FHOD3: variants seen among roughly 807,000 people sequenced by gnomAD.
FHOD3 encodes the protein formin homology 2 domain containing 3.
In FHOD3, 90 loss-of-function variants were observed where a neutral mutation model predicts 173.0. The ratio of observed to expected loss-of-function variants is 0.52; its 90% CI spans 0.44 to 0.62. The LOEUF is 0.62. Ranked by LOEUF, FHOD3 falls within the 20% of genes least tolerant of loss-of-function variation. The pLI is 0.00. For synonymous variants in FHOD3, 828 were observed against 823.0 expected (o/e 1.01, Z -0.10); for missense variants, 1,945 against 2,034.7 (o/e 0.96, Z 0.85).
At chr18:36,743,991 G>T in intron 22 of FHOD3, 41 bp from the exon 23 acceptor site, 1 of 1,611,180 alleles carries the variant, frequency 6.2e-7, no homozygotes, top group Non-Finnish European at 8.5e-7. Flanking sequence ...TTCTCTAAGA[G>T]CCTGCTTGAA....
chr18:36,421,560 TTC>T (rs749339368), intron 3 of FHOD3, among the ~76,000 whole-genome samples: 14 of 152,268 alleles, frequency 9.2e-5, no homozygotes, highest in Non-Finnish European at 1.8e-4. Context: ...TTAACTTTTT[TTC>T]TCTCTTTAGA....
intron 10 of FHOD3, among the ~76,000 whole-genome samples, chr18:36,646,775 AAAC>A (rs1331432382): frequency 1.3e-5 from 2 of 152,242 alleles, no homozygotes; most frequent in African/African-American, 2.4e-5. Flanking sequence ...GACCTGGTGT[AAAC>A]AACAACAACA....
chr18:36,696,805 C>T (rs993332456), intron 17 of FHOD3, among the ~76,000 whole-genome samples: 1 of 152,200 alleles, frequency 6.6e-6, no homozygotes, highest in Admixed American at 6.5e-5. Flanking sequence ...GAAAGACATA[C>T]ACACGCTCCT....
chr18:36,542,567 A>G (rs1350095641), intron 5 of FHOD3, among the ~76,000 whole-genome samples: 1 of 152,206 alleles, frequency 6.6e-6, no homozygotes, highest in Non-Finnish European at 1.5e-5. Context: ...TCTCTGAATT[A>G]TCTTTTTATT....
In FHOD3 at chr18:36,759,030, C is replaced by T. The variant is rs1021000379; in HGVS notation, c.4426-88C>T. 18 of 1,382,182 alleles carry T rather than the reference C, an allele frequency of 1.3e-5. No individual in the cohort carries two copies. In the Admixed American group the frequency reaches 3.4e-4, roughly 26 times the overall value. 85.6% of individuals were successfully genotyped at this position (1,382,182 alleles called of 1,614,324 possible). A position where few individuals can be genotyped will look rare whatever the true frequency, so the allele number is the denominator to read the frequency against. On this transcript the variant is annotated intron_variant, in intron 25 of 28. Coordinates refer to ENST00000590592, the MANE Select transcript of FHOD3 (RefSeq NM_001281740.3). ...TTTATTTACTTGGAATTTTATGTGA[C>T]ATTGCGATGATCTTTTTGCTGACTT...
intron 3 of FHOD3, among the ~76,000 whole-genome samples, chr18:36,381,124 G>C (rs947896072): frequency 6.6e-6 from 1 of 152,210 alleles, no homozygotes; most frequent in Non-Finnish European, 1.5e-5. Context: ...TCTGGTTTGA[G>C]AAGTCTGGGA....
At chr18:36,349,556 T>C (rs2046021035) in intron 1 of FHOD3, among the ~76,000 whole-genome samples, 1 of 152,230 alleles carries the variant, frequency 6.6e-6, no homozygotes, top group South Asian at 2.1e-4. Context: ...TATATATTTA[T>C]AGAACGGTTC....
intron 9 of FHOD3, among the ~76,000 whole-genome samples, chr18:36,616,234 A>T (rs2033186526): frequency 6.6e-6 from 1 of 152,174 alleles, no homozygotes; most frequent in Non-Finnish European, 1.5e-5. Context: ...CACCACCACG[A>T]TCGGAACTCC....
At chr18:36,395,795 A>G (rs1418961600) in intron 3 of FHOD3, among the ~76,000 whole-genome samples, 1 of 152,240 alleles carries the variant, frequency 6.6e-6, no homozygotes, top group Non-Finnish European at 1.5e-5. Context: ...TTGTATGTAC[A>G]TTAGCACATA....
intron 17 of FHOD3, 115 bp downstream of exon 17, chr18:36,693,538 C>T: frequency 1.0e-6 from 1 of 967,748 alleles, no homozygotes; most frequent in South Asian, 1.6e-5. Context: ...ACTATGGGTA[C>T]ACTTTGTTGG....
rs1180520927 is a variant in FHOD3 at position 36,512,457 on chromosome 18, A to G, written c.425A>G (p.His142Arg). ...QIFQDDKDLV[H>R]EFVVAEGLTC... Reference sequence around the variant, plus strand: ...TGCCAGGATGACAAGGATTTGGTGCATGAATTTGTAGTGGCTGAAGGTCTG... The same window carrying G: ...TGCCAGGATGACAAGGATTTGGTGCGTGAATTTGTAGTGGCTGAAGGTCTG... Residue 142 changes from histidine (H) to arginine (R), a missense_variant, in exon 5 of 29, where the codon CAT becomes CGT. This residue lies in a region of FHOD3 where 245 missense variants were observed against 267.7 expected (regional missense o/e 0.92). Coordinates refer to ENST00000590592, the MANE Select transcript of FHOD3 (RefSeq NM_001281740.3). The G allele has an allele frequency of 1.2e-6, 2 of 1,614,000 alleles. No homozygotes were observed. Among genetic ancestry groups the G allele is most frequent in the East Asian group, 2.2e-5 (1 of 44,878 alleles).
rs376473307 is a variant in FHOD3, at chr18:36,587,366, G to T, written c.607-7421G>T. 3.3e-5 allele frequency among the ~76,000 whole-genome samples: 5 copies of T among 152,200 alleles called. No homozygotes were observed. The East Asian group carries it at 5.8e-4, about 18-fold the overall frequency. ...GTCGGAGCCAGTTTAGTCAGGAGGGGGAGCTTCTGACCTCAGGCATCGTAT... is the reference window on the plus strand; with the variant it reads ...GTCGGAGCCAGTTTAGTCAGGAGGGTGAGCTTCTGACCTCAGGCATCGTAT... On this transcript the variant is annotated intron_variant, in intron 6 of 28. Coordinates refer to ENST00000590592, the MANE Select transcript of FHOD3 (RefSeq NM_001281740.3).
chr18:36,491,237 A>G (rs2054454855), intron 3 of FHOD3, among the ~76,000 whole-genome samples: 1 of 152,220 alleles, frequency 6.6e-6, no homozygotes, highest in Non-Finnish European at 1.5e-5. Context: ...GCCTTTGGAT[A>G]TAATTTTTTA....
rs546534059 is a variant in FHOD3 at position 36,428,592 on chromosome 18, A to G, written c.337+55848A>G. ...AAACAGAAGTTCTTGAGAGCCAGGC[A>G]TCTGTGTCTGTCTGTCTGTCTGCCT... On this transcript the variant is annotated intron_variant, in intron 3 of 28. Transcript: ENST00000590592. 4.0e-5 allele frequency among the ~76,000 whole-genome samples: 6 copies of G among 149,272 alleles called. 1 individual carries two copies. In the South Asian group the frequency reaches 1.0e-3, roughly 26 times the overall value.
chr18:36,680,764 C>T (rs996270554), intron 14 of FHOD3, among the ~76,000 whole-genome samples: 1 of 152,210 alleles, frequency 6.6e-6, no homozygotes, highest in African/African-American at 2.4e-5. Flanking sequence ...ATGAAATTTC[C>T]TTAATTCTAT....
chr18:36,557,414 CA>C, intron 5 of FHOD3, among the ~76,000 whole-genome samples: 1 of 151,610 alleles, frequency 6.6e-6, no homozygotes, highest in Middle Eastern at 3.4e-3. Context: ...TCTTTTCTTC[CA>C]TGTTGAATCT....
chr18:36,366,027 G>A (rs541076641), intron 2 of FHOD3, among the ~76,000 whole-genome samples: 1 of 152,150 alleles, frequency 6.6e-6, no homozygotes, highest in African/African-American at 2.4e-5. Flanking sequence ...TGTGTGTCTC[G>A]GACTCCTCAC....
chr18:36,454,219 CACACACACACAGGA>C (rs2052030191), intron 3 of FHOD3, among the ~76,000 whole-genome samples: 2 of 151,896 alleles, frequency 1.3e-5, no homozygotes, highest in African/African-American at 4.8e-5. Flanking sequence ...AGCTGGCACA[CACACACACACAGGA>C]GGGCACACAC....
chr18:36,318,013 G>A (rs188711895), intron 1 of FHOD3, among the ~76,000 whole-genome samples: 28 of 152,210 alleles, frequency 1.8e-4, no homozygotes, highest in Middle Eastern at 3.4e-3. Flanking sequence ...TTTTTGTCAG[G>A]TTTGTCAAAG....
Sources: gnomAD v4.1 joint callset for allele counts (sites outside exome capture counted in the v4.1 genomes callset) on GRCh38, gnomAD v4.1.1 for gene constraint, gnomAD v4.1.1 regional missense constraint, MANE v1.5 for transcripts, NCBI Gene and HGNC (gene_info 2026-07-23, HGNC 2026-07-21) for gene names.